The following RBFOX1 variants were observed in gnomAD, a reference collection of about 807,000 sequenced individuals.
RBFOX1 encodes RNA binding protein fox-1 homolog 1.
In RBFOX1, 8 loss-of-function variants were observed where a neutral mutation model predicts 57.7. The observed-to-expected ratio is 0.14, with a 90% confidence interval of 0.08 to 0.25. The LOEUF (loss-of-function observed/expected upper bound fraction) is 0.25. RBFOX1 is among the 10% of genes least tolerant of loss of function. RBFOX1 has a pLI of 1.00. For synonymous variants in RBFOX1, 326 were observed against 222.4 expected (o/e 1.47, Z -4.15); for missense variants, 611 against 548.5 (o/e 1.11, Z -1.14).
intron 1 of RBFOX1, among the ~76,000 whole-genome samples, chr16:6,122,326 A>G (rs1485974035): frequency 6.6e-6 from 1 of 150,930 alleles, no homozygotes; most frequent in East Asian, 2.0e-4. Context: ...TATTTCTGTT[A>G]TTTATAACAG....
intron 3 of RBFOX1, among the ~76,000 whole-genome samples, chr16:6,811,082 T>C (rs1162882488): frequency 1.3e-5 from 2 of 152,222 alleles, no homozygotes; most frequent in East Asian, 3.8e-4. Context: ...TATTTCTTTC[T>C]GGGATGTTGT....
intron 3 of RBFOX1, among the ~76,000 whole-genome samples, chr16:6,759,304 C>T (rs370880111): frequency 2.0e-5 from 3 of 152,180 alleles, no homozygotes; most frequent in East Asian, 1.9e-4. Context: ...GTGCATGGCA[C>T]CACAGCTGGC....
intron 4 of RBFOX1, among the ~76,000 whole-genome samples, chr16:7,246,421 T>C (rs1180886244): frequency 3.9e-5 from 6 of 152,134 alleles, no homozygotes; most frequent in Non-Finnish European, 8.8e-5. Context: ...AATGTGTGAT[T>C]TTTTTAGTGG....
intron 2 of RBFOX1, among the ~76,000 whole-genome samples, chr16:6,540,384 T>G (rs1302810206): frequency 6.6e-6 from 1 of 151,462 alleles, no homozygotes; most frequent in Non-Finnish European, 1.5e-5. Context: ...GAGGCTGAGC[T>G]GGGTGGGTTA....
intron 4 of RBFOX1, among the ~76,000 whole-genome samples, chr16:7,330,907 G>A (rs2096682393): frequency 6.6e-6 from 1 of 152,122 alleles, no homozygotes; most frequent in Non-Finnish European, 1.5e-5. Flanking sequence ...TAACTTCTCA[G>A]AAATGTGGTG....
chr16:5,286,460 C>T (rs1046616676), intron 1 of RBFOX1, among the ~76,000 whole-genome samples: 7 of 152,126 alleles, frequency 4.6e-5, no homozygotes, highest in African/African-American at 1.7e-4. Flanking sequence ...AGTCTCCAGG[C>T]CCCCAGATGG....
chr16:5,792,496 A>G (rs1365961121), intron 3 of RBFOX1, among the ~76,000 whole-genome samples: 5 of 152,212 alleles, frequency 3.3e-5, no homozygotes, highest in Non-Finnish European at 5.9e-5. Context: ...TATGTAATAT[A>G]TACTGTATTC....
chr16:6,634,476 G>C (rs1178437996), intron 2 of RBFOX1, among the ~76,000 whole-genome samples: 1 of 149,978 alleles, frequency 6.7e-6, no homozygotes, highest in Non-Finnish European at 1.5e-5. Context: ...TAATATAATA[G>C]ATGATACATA....
chr16:6,146,945 C>T (rs1026976016), intron 1 of RBFOX1, among the ~76,000 whole-genome samples: 11 of 152,118 alleles, frequency 7.2e-5, no homozygotes, highest in Admixed American at 4.6e-4. Flanking sequence ...ATGTTTATCT[C>T]GCCACAACAT....
intron 3 of RBFOX1, among the ~76,000 whole-genome samples, chr16:7,010,359 G>A (rs984701974): frequency 1.3e-5 from 2 of 152,162 alleles, no homozygotes; most frequent in Non-Finnish European, 1.5e-5. Context: ...TAGACTTTCT[G>A]TACAGACTCT....
intron 5 of RBFOX1, among the ~76,000 whole-genome samples, chr16:7,569,383 G>C (rs1254139223): frequency 6.6e-6 from 1 of 152,046 alleles, no homozygotes; most frequent in African/African-American, 2.4e-5. Context: ...TGTCATTCTT[G>C]GGCTCATGGC....
chr16:5,498,928 C>G (rs529637098), intron 2 of RBFOX1, among the ~76,000 whole-genome samples: 10 of 152,158 alleles, frequency 6.6e-5, no homozygotes, highest in Non-Finnish European at 1.5e-4. Flanking sequence ...GGTACTAAGT[C>G]AGGCTCTCAC....
intron 13 of RBFOX1, among the ~76,000 whole-genome samples, chr16:7,672,926 T>C (rs1367984407): frequency 6.7e-6 from 1 of 149,606 alleles, no homozygotes; most frequent in Non-Finnish European, 1.5e-5. Context: ...ATTTTTCATT[T>C]TAAAATGTTC....
intron 3 of RBFOX1, among the ~76,000 whole-genome samples, chr16:6,675,010 A>C (rs1419914833): frequency 6.6e-6 from 1 of 152,084 alleles, no homozygotes; most frequent in Non-Finnish European, 1.5e-5. Context: ...GGTTCAAGCC[A>C]TTCTCGTGCC....
At chr16:7,280,027 G>C (rs567517083) in intron 4 of RBFOX1, among the ~76,000 whole-genome samples, 40 of 152,344 alleles carry the variant, frequency 2.6e-4, no homozygotes, top group Non-Finnish European at 5.1e-4. Flanking sequence ...CACCTGCTCT[G>C]AAGGTGTTTG....
At chr16:5,864,880 A>G (rs1432254768) in intron 3 of RBFOX1, among the ~76,000 whole-genome samples, 1 of 152,206 alleles carries the variant, frequency 6.6e-6, no homozygotes. Context: ...CTCCCACTAT[A>G]GGTGGTTGAA....
chr16:5,775,402 G>T (rs890341810), intron 3 of RBFOX1, among the ~76,000 whole-genome samples: 1 of 152,230 alleles, frequency 6.6e-6, no homozygotes. Flanking sequence ...GGGTCACTGC[G>T]TTGGAGGGAC....
intron 2 of RBFOX1, among the ~76,000 whole-genome samples, chr16:6,353,131 C>T (rs560035491): frequency 8.5e-5 from 13 of 152,088 alleles, no homozygotes; most frequent in East Asian, 5.8e-4. Context: ...AGGCTAAATC[C>T]GCCTCCTATA....
chr16:7,504,737 A>ATATATATATATTTATATATATATT (rs2072351901), intron 4 of RBFOX1, among the ~76,000 whole-genome samples: 1 of 6,492 alleles, frequency 1.5e-4, no homozygotes, highest in Non-Finnish European at 4.5e-4. Flanking sequence ...ATATATATAT[A>ATATATATATATTTATATATATATT]TATATATATA....
Sources: gnomAD v4.1 joint callset for allele counts (sites outside exome capture counted in the v4.1 genomes callset) on GRCh38, gnomAD v4.1.1 for gene constraint, MANE v1.5 for transcripts, NCBI Gene and HGNC (gene_info 2026-07-23, HGNC 2026-07-21) for gene names.